MTMR8: variants seen among roughly 807,000 people sequenced by gnomAD.
MTMR8 encodes the protein myotubularin related protein 8.
Under a neutral mutation model 39.3 loss-of-function variants are expected in MTMR8, and 65 were observed. The ratio of observed to expected loss-of-function variants is 1.65; its 90% CI spans 1.35 to 2.03. MTMR8 has a LOEUF of 2.03. Ranked by LOEUF, MTMR8 falls within the 30% of genes most tolerant of loss-of-function variation. The pLI is 0.00. For synonymous variants in MTMR8, 245 were observed against 185.2 expected, an observed-to-expected ratio of 1.32 and a Z score of -2.62; for missense variants, 777 against 538.9, an observed-to-expected ratio of 1.44 and a Z score of -4.37.
chrX:64,370,263 T>C (rs565974476), intron 1 of MTMR8, among the ~76,000 whole-genome samples: 7 of 111,175 alleles, frequency 6.3e-5, no homozygotes, highest in South Asian at 3.8e-4. Flanking sequence ...TGTTGTATGA[T>C]GTTGGCCTCT....
At chrX:64,363,709 G>A (rs1923861311) in intron 1 of MTMR8, among the ~76,000 whole-genome samples, 2 of 111,818 alleles carry the variant, frequency 1.8e-5, no homozygotes, top group South Asian at 3.8e-4. Context: ...TTCCAACTGA[G>A]GTACCTGGTT....
rs1303124396 is a variant in MTMR8 at position 64,382,018 on chromosome X, A to G, written c.24+13322T>C. ...TTTGGTTATTGTAGCCTTGTAGTAT[A>G]GTTTGAAGTCAGGTAGTGTGATGCC... On this transcript the variant is annotated intron_variant, in intron 1 of 13. Transcript: ENST00000374852. Among the ~76,000 whole-genome samples, 3 of 111,413 alleles carry G rather than the reference A, an allele frequency of 2.7e-5. No homozygotes were observed. In the East Asian group the frequency reaches 8.5e-4, roughly 31 times the overall value.
chrX:64,387,366 C>T (rs1053044385), intron 1 of MTMR8, among the ~76,000 whole-genome samples: 3 of 111,458 alleles, frequency 2.7e-5, no homozygotes, highest in Non-Finnish European at 3.8e-5. Flanking sequence ...ACCTACCAAA[C>T]GGCTACATTA....
intron 1 of MTMR8, among the ~76,000 whole-genome samples, chrX:64,393,001 C>T (rs1924731565): frequency 8.9e-6 from 1 of 111,957 alleles, no homozygotes; most frequent in African/African-American, 3.2e-5. Context: ...ACTCACAGCC[C>T]TGCCAGGCAC....
chrX:64,366,723 A>C (rs1216571210), intron 1 of MTMR8, among the ~76,000 whole-genome samples: 2 of 111,685 alleles, frequency 1.8e-5, no homozygotes, highest in Non-Finnish European at 3.8e-5. Flanking sequence ...AAACACATTC[A>C]AAAGCTAGCA....
intron 6 of MTMR8, among the ~76,000 whole-genome samples, chrX:64,346,478 G>A (rs781655750): frequency 5.4e-5 from 6 of 110,492 alleles, no homozygotes; most frequent in Non-Finnish European, 1.1e-4. Context: ...AGGAACACCC[G>A]TGGAAGCATA....
At chrX:64,286,967 A>G (rs1921204435) in intron 12 of MTMR8, among the ~76,000 whole-genome samples, 1 of 111,266 alleles carries the variant, frequency 9.0e-6, no homozygotes, top group Non-Finnish European at 1.9e-5. Context: ...GGCCAGGGCA[A>G]TCAGGCAGAA....
chrX:64,333,334 C>T (rs1205309183), intron 10 of MTMR8, among the ~76,000 whole-genome samples: 5 of 111,469 alleles, frequency 4.5e-5, no homozygotes, highest in Non-Finnish European at 9.4e-5. Context: ...CACTCCAGTG[C>T]CACTGAAAAA....
intron 4 of MTMR8, among the ~76,000 whole-genome samples, chrX:64,351,701 C>A (rs1483394818): frequency 9.0e-6 from 1 of 111,519 alleles, no homozygotes; most frequent in Non-Finnish European, 1.9e-5. Context: ...GAGCCCCTGG[C>A]AAACCACTAG....
At chrX:64,319,676 CTTTT>C (rs775097165) in intron 12 of MTMR8, among the ~76,000 whole-genome samples, 137 of 111,075 alleles carry the variant, frequency 1.2e-3, no homozygotes, top group Non-Finnish European at 2.2e-3. Context: ...TTCCCCATTG[CTTTT>C]TTTTGTCAGG....
At chrX:64,346,473 C>T (rs1923352230) in intron 6 of MTMR8, among the ~76,000 whole-genome samples, 2 of 110,449 alleles carry the variant, frequency 1.8e-5, no homozygotes, top group African/African-American at 6.6e-5. Context: ...GTCAAAGGAA[C>T]ACCCGTGGAA....
chrX:64,325,026 C>A (rs893618179), intron 12 of MTMR8, among the ~76,000 whole-genome samples: 31 of 111,034 alleles, frequency 2.8e-4, no homozygotes, highest in African/African-American at 7.9e-4. Context: ...GTATCAGGAA[C>A]AATTCTATGC....
chrX:64,390,846 T>G (rs1161518232), intron 1 of MTMR8, among the ~76,000 whole-genome samples: 1 of 110,850 alleles, frequency 9.0e-6, no homozygotes, highest in Non-Finnish European at 1.9e-5. Context: ...TTTGTACAGA[T>G]GAGGTTTCAC....
rs1923101257 is a variant in MTMR8, at chrX:64,337,247, T to G, written c.1101+21A>C. ...AATCTGTCTCTTACACAAAGTAAAA[T>G]ATAGTAGCGTGCTCTCTTACCATGA... On this transcript the variant is annotated intron_variant, in intron 9 of 13. Coordinates refer to ENST00000374852, the MANE Select transcript of MTMR8 (RefSeq NM_017677.4). 3.3e-6 allele frequency: 4 copies of G among 1,194,377 alleles called. No homozygotes were observed. In the East Asian group the frequency reaches 8.9e-5, roughly 27 times the overall value.
intron 1 of MTMR8, among the ~76,000 whole-genome samples, chrX:64,374,450 C>T (rs891504021): frequency 1.8e-5 from 2 of 111,811 alleles, no homozygotes; most frequent in Admixed American, 1.9e-4. Context: ...TACTATATGC[C>T]AGGCACTGTG....
intron 12 of MTMR8, among the ~76,000 whole-genome samples, chrX:64,282,402 C>A (rs945905498): frequency 7.2e-5 from 8 of 110,793 alleles, no homozygotes; most frequent in Non-Finnish European, 1.3e-4. Flanking sequence ...GGGCTTAATA[C>A]CTAGATGACA....
At chrX:64,350,351 T>C (rs1314465613) in intron 4 of MTMR8, among the ~76,000 whole-genome samples, 1 of 110,834 alleles carries the variant, frequency 9.0e-6, no homozygotes, top group African/African-American at 3.3e-5. Flanking sequence ...CATATTTGTG[T>C]CCGTTCATAT....
intron 4 of MTMR8, among the ~76,000 whole-genome samples, chrX:64,352,973 C>T (rs768112380): frequency 2.1e-4 from 23 of 111,567 alleles, no homozygotes; most frequent in African/African-American, 5.9e-4. Flanking sequence ...AATTTGGTCA[C>T]GAAGCGCTTT....
In MTMR8 at chrX:64,328,870, A is replaced by G. The variant is rs761202930; in HGVS notation, c.1383T>C (p.Pro461=). 7 of 1,196,271 alleles carry G rather than the reference A, an allele frequency of 5.9e-6. No homozygotes were observed. The Admixed American group carries it at 1.7e-4, about 29-fold the overall frequency. Residue 461 remains proline (P), a synonymous_variant, in exon 12 of 14, where the codon CCT becomes CCC. Transcript: ENST00000374852. ...RVYEKTHSVW[P]FLVQRKPDFR... ...AGTCTGGTTTCCTCTGAACCAAGAA[A>G]GGCCACACAGAATGTGTTTTCTCAT...
Sources: gnomAD v4.1 joint callset for allele counts (sites outside exome capture counted in the v4.1 genomes callset) on GRCh38, gnomAD v4.1.1 for gene constraint, MANE v1.5 for transcripts, NCBI Gene and HGNC (gene_info 2026-07-23, HGNC 2026-07-21) for gene names.